The following CTNNA3 variants were observed in gnomAD, a reference collection of about 807,000 sequenced individuals.
The protein encoded by CTNNA3 is catenin alpha 3, also known as catenin alpha-3.
CTNNA3 carries 76 observed loss-of-function variants against 95.7 expected under a neutral mutation model. The ratio of observed to expected loss-of-function variants is 0.79; its 90% CI spans 0.66 to 0.96. CTNNA3 has a LOEUF of 0.96. Among genes scored for constraint, CTNNA3 ranks in the 40% least tolerant of loss-of-function variants. The probability of loss-of-function intolerance (pLI) is 0.00; values close to 1 mark genes in which losing one functional copy is unlikely to be tolerated. For missense variants in CTNNA3, 1,191 were observed against 1,089.8 expected, an observed-to-expected ratio of 1.09 and a Z score of -1.31; for synonymous variants, 431 against 374.4, an observed-to-expected ratio of 1.15 and a Z score of -1.74.
At chr10:66,687,394 T>C (rs112805736) in intron 9 of CTNNA3, among the ~76,000 whole-genome samples, 5 of 152,246 alleles carry the variant, frequency 3.3e-5, no homozygotes, top group Non-Finnish European at 7.4e-5. Flanking sequence ...TACATACCCA[T>C]CCTAATATGA....
intron 7 of CTNNA3, among the ~76,000 whole-genome samples, chr10:67,151,795 C>T (rs1331826752): frequency 6.6e-6 from 1 of 152,100 alleles, no homozygotes; most frequent in Non-Finnish European, 1.5e-5. Flanking sequence ...ACTTGGTGTT[C>T]GAAGTTTTGA....
chr10:67,637,145 T>C (rs1839345556), intron 2 of CTNNA3, among the ~76,000 whole-genome samples: 1 of 152,118 alleles, frequency 6.6e-6, no homozygotes, highest in Admixed American at 6.5e-5. Context: ...CTAACTAGAA[T>C]ACCCAACGCA....
At chr10:66,267,002 T>G (rs10997017) in intron 13 of CTNNA3, among the ~76,000 whole-genome samples, 23,171 of 151,934 alleles carry the variant, frequency 0.15, 1,904 homozygotes, top group East Asian at 0.28. Flanking sequence ...TGTCATCTAT[T>G]CGATAATTTC....
intron 15 of CTNNA3, among the ~76,000 whole-genome samples, chr10:66,063,675 C>G (rs899149608): frequency 6.6e-6 from 1 of 151,784 alleles, no homozygotes; most frequent in African/African-American, 2.4e-5. Flanking sequence ...ATTTATAATG[C>G]TATTGCTTTT....
At chr10:66,430,703 T>C in intron 11 of CTNNA3, among the ~76,000 whole-genome samples, 1 of 152,134 alleles carries the variant, frequency 6.6e-6, no homozygotes. Flanking sequence ...TAGCCATATG[T>C]AGAAAGCTGA....
chr10:67,212,425 G>A (rs1864175875), intron 6 of CTNNA3, among the ~76,000 whole-genome samples: 2 of 151,828 alleles, frequency 1.3e-5, no homozygotes, highest in Admixed American at 1.3e-4. Flanking sequence ...AATGCTGTAT[G>A]AATTCTTATA....
intron 5 of CTNNA3, among the ~76,000 whole-genome samples, chr10:67,435,286 C>T (rs180990312): frequency 5.3e-5 from 8 of 152,070 alleles, no homozygotes; most frequent in Non-Finnish European, 1.0e-4. Flanking sequence ...AACATCCATA[C>T]ATCCGCTTTC....
chr10:67,247,535 T>G (rs902705035), intron 5 of CTNNA3, among the ~76,000 whole-genome samples: 5 of 152,210 alleles, frequency 3.3e-5, no homozygotes, highest in African/African-American at 9.6e-5. Flanking sequence ...AGACGTTCCA[T>G]GTCATGGATT....
intron 12 of CTNNA3, among the ~76,000 whole-genome samples, chr10:66,377,037 T>C (rs567725581): frequency 1.3e-5 from 2 of 152,164 alleles, no homozygotes; most frequent in African/African-American, 4.8e-5. Context: ...AGTTTTCTCA[T>C]CTAATTTATT....
chr10:66,148,860 C>A (rs1285105072), intron 13 of CTNNA3, among the ~76,000 whole-genome samples: 1 of 151,798 alleles, frequency 6.6e-6, no homozygotes, highest in African/African-American at 2.4e-5. Flanking sequence ...TATTTATATG[C>A]TATGTATATA....
chr10:67,458,014 T>TG (rs1317421864), intron 5 of CTNNA3, among the ~76,000 whole-genome samples: 3 of 152,228 alleles, frequency 2.0e-5, no homozygotes, highest in African/African-American at 4.8e-5. Context: ...TCTTGGGGGT[T>TG]GGGGGGTCTA....
intron 10 of CTNNA3, among the ~76,000 whole-genome samples, chr10:66,555,540 A>T (rs1311451990): frequency 6.6e-6 from 1 of 152,072 alleles, no homozygotes; most frequent in Non-Finnish European, 1.5e-5. Context: ...GCCAAAAGTG[A>T]CCAAAATGAC....
intron 11 of CTNNA3, among the ~76,000 whole-genome samples, chr10:66,501,127 A>G (rs1840263997): frequency 6.6e-6 from 1 of 152,158 alleles, no homozygotes; most frequent in Non-Finnish European, 1.5e-5. Flanking sequence ...GTAATTACAC[A>G]TTTTACAAAC....
intron 10 of CTNNA3, among the ~76,000 whole-genome samples, chr10:66,580,440 T>C (rs983295520): frequency 6.6e-6 from 1 of 151,822 alleles, no homozygotes; most frequent in Non-Finnish European, 1.5e-5. Context: ...AATCTTCTCT[T>C]CAACCAATTT....
At chr10:65,996,041 A>T (rs1311562129) in intron 15 of CTNNA3, among the ~76,000 whole-genome samples, 1 of 152,188 alleles carries the variant, frequency 6.6e-6, no homozygotes, top group Non-Finnish European at 1.5e-5. Context: ...GGGAGAATCC[A>T]TCCTCAAGGC....
intron 7 of CTNNA3, among the ~76,000 whole-genome samples, chr10:66,915,843 A>C (rs1211021350): frequency 1.3e-5 from 2 of 150,800 alleles, no homozygotes; most frequent in Admixed American, 1.3e-4. Context: ...CTGCCTCCCG[A>C]GTTCAAGCGA....
chr10:66,620,927 T>C (rs374846025), intron 10 of CTNNA3, among the ~76,000 whole-genome samples: 2 of 152,262 alleles, frequency 1.3e-5, no homozygotes, highest in South Asian at 2.1e-4. Flanking sequence ...TTGTGGTCTT[T>C]ATTAGGAAGT....
chr10:66,832,165 A>G (rs1426477282), intron 7 of CTNNA3, among the ~76,000 whole-genome samples: 1 of 152,236 alleles, frequency 6.6e-6, no homozygotes, highest in Non-Finnish European at 1.5e-5. Context: ...TAAGTTGGGA[A>G]GAAACTACAC....
chr10:67,020,270 G>T lies in CTNNA3; in HGVS notation c.1047+160047C>A, dbSNP rs138739338. 5.2e-3 allele frequency among the ~76,000 whole-genome samples: 788 copies of T among 152,202 alleles called. 6 individuals carry two copies. The highest frequency in any genetic ancestry group is 0.01 in the Middle Eastern group (3 of 294). On this transcript the variant is annotated intron_variant, in intron 7 of 17. Transcript: ENST00000433211. ...AAGTAAAGAACTATTATGTGGGAGG[G>T]GAAGCAAGGGGTTGACAAGCGCTCA...
Sources: gnomAD v4.1 joint callset for allele counts (sites outside exome capture counted in the v4.1 genomes callset) on GRCh38, gnomAD v4.1.1 for gene constraint, MANE v1.5 for transcripts, NCBI Gene and HGNC (gene_info 2026-07-23, HGNC 2026-07-21) for gene names.